Variants in NFIA observed in about 807,000 individuals in gnomAD.
NFIA encodes nuclear factor I A.
A neutral mutation model predicts 62.8 loss-of-function variants in NFIA; 8 were observed. That is an observed-to-expected ratio of 0.13 (90% CI 0.07 to 0.23). The LOEUF is 0.23. Among genes scored for constraint, NFIA ranks in the 10% least tolerant of loss-of-function variants. The probability of loss-of-function intolerance (pLI) is 1.00; values close to 1 mark genes in which losing one functional copy is unlikely to be tolerated. For missense variants in NFIA, 410 were observed against 642.1 expected (o/e 0.64, Z 3.91); for synonymous variants, 235 against 238.1 (o/e 0.99, Z 0.12).
chr1:61,268,254 A>G (rs1307213074), intron 2 of NFIA, among the ~76,000 whole-genome samples: 1 of 152,106 alleles, frequency 6.6e-6, no homozygotes, highest in African/African-American at 2.4e-5. Flanking sequence ...TTTTTAGGCA[A>G]ATTGTTACTG....
At chr1:61,081,734 G>A, upstream of NFIA, 2 of 744,074 alleles carry the variant, frequency 2.7e-6, no homozygotes, top group South Asian at 3.7e-5. Context: ...TCTTCTGTGG[G>A]CACTGATTCC....
In NFIA at chr1:61,302,435, G is replaced by T. The variant is rs891812581; in HGVS notation, c.625+24850G>T. 3.3e-5 allele frequency among the ~76,000 whole-genome samples: 5 copies of T among 152,142 alleles called. No homozygotes were observed. In the South Asian group the frequency reaches 1.0e-3, roughly 31 times the overall value. On this transcript the variant is annotated intron_variant, in intron 3 of 10. Transcript: ENST00000403491. ...AGGTCCCAGGACAGTGACTAAGTGG[G>T]AATATGCAGCAATGACGAGTAAAAG...
chr1:61,170,632 T>A (rs1380778898), intron 2 of NFIA, among the ~76,000 whole-genome samples: 1 of 152,158 alleles, frequency 6.6e-6, no homozygotes, highest in Non-Finnish European at 1.5e-5. Context: ...TTTTTTGCCA[T>A]CTAAATGACA....
intron 4 of NFIA, among the ~76,000 whole-genome samples, chr1:61,348,230 A>G (rs114257114): frequency 1.3e-5 from 2 of 152,302 alleles, no homozygotes; most frequent in African/African-American, 4.8e-5. Context: ...AATCCAACCC[A>G]ATAAGCCAAC....
chr1:61,368,317 G>A (rs1663704420), intron 6 of NFIA, among the ~76,000 whole-genome samples: 2 of 152,146 alleles, frequency 1.3e-5, no homozygotes, highest in Admixed American at 1.3e-4. Flanking sequence ...TCATGGTGTG[G>A]CTTGGGTGGA....
intron 3 of NFIA, among the ~76,000 whole-genome samples, chr1:61,315,939 G>A (rs1352674530): frequency 6.6e-6 from 1 of 152,150 alleles, no homozygotes; most frequent in South Asian, 2.1e-4. Context: ...GAACAAATAA[G>A]ATGCTGTCTG....
At chr1:61,255,738 G>T (rs554866635) in intron 2 of NFIA, among the ~76,000 whole-genome samples, 1 of 152,322 alleles carries the variant, frequency 6.6e-6, no homozygotes, top group South Asian at 2.1e-4. Flanking sequence ...ACTGGCAGTT[G>T]TGAAACTAAG....
chr1:61,273,310 C>T (rs751601817), intron 2 of NFIA, among the ~76,000 whole-genome samples: 6 of 152,128 alleles, frequency 3.9e-5, no homozygotes, highest in Non-Finnish European at 8.8e-5. Flanking sequence ...GTGTCAGATA[C>T]GGCTTCAGCT....
intron 2 of NFIA, among the ~76,000 whole-genome samples, chr1:61,145,998 G>T (rs565246766): frequency 2.2e-4 from 34 of 152,298 alleles, no homozygotes; most frequent in African/African-American, 7.7e-4. Flanking sequence ...TTCCCTGATA[G>T]GTCTGGAGGT....
chr1:61,235,092 G>T (rs1256011538), intron 2 of NFIA, among the ~76,000 whole-genome samples: 3 of 152,190 alleles, frequency 2.0e-5, no homozygotes, highest in Non-Finnish European at 2.9e-5. Flanking sequence ...TGCAGTGAAA[G>T]GCATAATGGA....
intron 2 of NFIA, among the ~76,000 whole-genome samples, chr1:61,180,956 C>T (rs1262473812): frequency 6.6e-6 from 1 of 152,138 alleles, no homozygotes; most frequent in Non-Finnish European, 1.5e-5. Flanking sequence ...ATTAGAGGGT[C>T]GGTTGACTCT....
intron 9 of NFIA, among the ~76,000 whole-genome samples, chr1:61,417,071 G>T (rs1211043302): frequency 6.6e-6 from 1 of 151,884 alleles, no homozygotes; most frequent in East Asian, 1.9e-4. Flanking sequence ...CATTCATTTG[G>T]GTCGTCATAA....
intron 2 of NFIA, among the ~76,000 whole-genome samples, chr1:61,229,931 A>G (rs1309654757): frequency 2.0e-5 from 3 of 152,186 alleles, no homozygotes; most frequent in Non-Finnish European, 4.4e-5. Context: ...CATCTCCCCT[A>G]AGATCAGGAA....
At chr1:61,209,800 A>C (rs1653131940) in intron 2 of NFIA, among the ~76,000 whole-genome samples, 1 of 152,126 alleles carries the variant, frequency 6.6e-6, no homozygotes. Flanking sequence ...TACAGTAAGC[A>C]GAGATTGCGG....
At chr1:61,309,269 G>A (rs996843563) in intron 3 of NFIA, among the ~76,000 whole-genome samples, 5 of 146,016 alleles carry the variant, frequency 3.4e-5, no homozygotes, top group African/African-American at 8.0e-5. Flanking sequence ...TGTGTCCTAC[G>A]AATCTTGGAG....
intron 7 of NFIA, among the ~76,000 whole-genome samples, chr1:61,396,899 G>A (rs1665303817): frequency 6.6e-6 from 1 of 152,134 alleles, no homozygotes; most frequent in South Asian, 2.1e-4. Context: ...CTACTCGGGA[G>A]GCTAAGGCAG....
intron 6 of NFIA, among the ~76,000 whole-genome samples, chr1:61,365,773 C>G (rs1033357518): frequency 7.9e-5 from 12 of 152,166 alleles, no homozygotes; most frequent in Non-Finnish European, 1.6e-4. Context: ...TCCTTCTGCT[C>G]CATCTCTGTC....
chr1:61,088,294 A>G lies in NFIA; in HGVS notation c.173A>G (p.Asp58Gly). The change falls in exon 2 of 11, where the codon GAT becomes GGT. Residue 58 changes from aspartate (D) to glycine (G), a missense_variant. Asp to Gly is a moderately conservative substitution (Grantham distance 94, BLOSUM62 -1). Transcript: ENST00000403491. The surrounding 1 kb of genome is among the most constrained non-coding windows in gnomAD (Gnocchi z 4.5). ...AAAGAAGAAGAGAGAGCCGTGAAGGATGAATTGCTAAGTGAAAAACCAGAG... is the reference window on the plus strand; with the variant it reads ...AAAGAAGAAGAGAGAGCCGTGAAGGGTGAATTGCTAAGTGAAAAACCAGAG... ...MSKEEERAVK[D>G]ELLSEKPEVK... is the part of the protein sequence containing the mutation. The G allele has an allele frequency of 6.2e-7, 1 of 1,613,514 alleles. No individual in the cohort carries two copies. Among genetic ancestry groups the G allele is most frequent in the Non-Finnish European group, 8.5e-7 (1 of 1,179,934 alleles).
chr1:61,273,641 G>A (rs1191343185), intron 2 of NFIA, among the ~76,000 whole-genome samples: 1 of 152,174 alleles, frequency 6.6e-6, no homozygotes, highest in African/African-American at 2.4e-5. Flanking sequence ...GCTGGGCCAG[G>A]CACCCTGTGG....
Sources: gnomAD v4.1 joint callset for allele counts (sites outside exome capture counted in the v4.1 genomes callset) on GRCh38, gnomAD v4.1.1 for gene constraint, Gnocchi (gnomAD v3.1) non-coding constraint, MANE v1.5 for transcripts, NCBI Gene and HGNC (gene_info 2026-07-23, HGNC 2026-07-21) for gene names.